Variants in RASGRP1 observed in about 807,000 individuals in gnomAD.
RASGRP1 encodes the protein RAS guanyl releasing protein 1.
Under a neutral mutation model 95.1 loss-of-function variants are expected in RASGRP1, and 37 were observed. The observed-to-expected ratio is 0.39, with a 90% CI of 0.30 to 0.51. The LOEUF is 0.51. Ranked by LOEUF, RASGRP1 falls within the 20% of genes least tolerant of loss-of-function variation. The probability of loss-of-function intolerance (pLI) is 0.80; values close to 1 mark genes in which losing one functional copy is unlikely to be tolerated. For missense variants in RASGRP1, 711 were observed against 965.4 expected (o/e 0.74, Z 3.49); for synonymous variants, 325 against 353.4 (o/e 0.92, Z 0.90).
intron 2 of RASGRP1, among the ~76,000 whole-genome samples, chr15:38,541,556 C>T (rs111281077): frequency 9.8e-5 from 15 of 152,300 alleles, no homozygotes; most frequent in South Asian, 4.1e-4. Flanking sequence ...TGTGCCACTG[C>T]ACTCCAGACT....
At chr15:38,506,611 G>C (rs1234084379) in intron 9 of RASGRP1, among the ~76,000 whole-genome samples, 1 of 142,878 alleles carries the variant, frequency 7.0e-6, no homozygotes, top group African/African-American at 2.6e-5. Flanking sequence ...CTCCAGTCTA[G>C]GTCATAGAGC....
chr15:38,527,599 C>A (rs919576956), intron 2 of RASGRP1, among the ~76,000 whole-genome samples: 1 of 152,072 alleles, frequency 6.6e-6, no homozygotes, highest in African/African-American at 2.4e-5. Context: ...CTGGGAACTT[C>A]AATTATTCAA....
At position 38,512,924 on chromosome 15, in the gene RASGRP1, G is replaced by C; in HGVS notation, c.708C>G (p.Ser236Arg). 1 of 1,581,104 alleles carries C rather than the reference G, an allele frequency of 6.3e-7. No individual in the cohort carries two copies. Among genetic ancestry groups the C allele is most frequent in the Non-Finnish European group, 8.6e-7 (1 of 1,167,480 alleles). ...CCATGGTGGGGTTTTCCTTCACACA[G>C]CTATTTACAAGGTAATTCTGATAAT... Reference protein sequence around the residue: ...FSDYQNYLVNSCVKENPTMER... With the variant: ...FSDYQNYLVNRCVKENPTMER... The change falls in exon 7 of 17, where the codon AGC (serine) becomes AGG (arginine). Residue 236 changes from serine (S) to arginine (R), a missense_variant. Physicochemically the swap from Ser to Arg is moderately radical, Grantham distance 110. This residue lies in a region of RASGRP1 where 491 missense variants were observed against 676.6 expected (regional missense o/e 0.73). Transcript: ENST00000310803.
intron 2 of RASGRP1, among the ~76,000 whole-genome samples, chr15:38,558,486 A>G (rs1252557459): frequency 1.3e-5 from 2 of 152,260 alleles, no homozygotes; most frequent in African/African-American, 4.8e-5. Context: ...TACAACAAAC[A>G]GCACTTTAAA....
intron 9 of RASGRP1, among the ~76,000 whole-genome samples, chr15:38,506,655 A>AC (rs1891270399): frequency 1.3e-5 from 2 of 151,636 alleles, no homozygotes; most frequent in African/African-American, 4.8e-5. Flanking sequence ...AAAAAAAAAA[A>AC]AAATAGTGAG....
chr15:38,511,729 C>T lies in RASGRP1; in HGVS notation c.850-9G>A. 1 of 1,602,094 alleles carries T rather than the reference C, an allele frequency of 6.2e-7. No homozygotes were observed. The highest frequency in any genetic ancestry group is 8.6e-7 in the Non-Finnish European group (1 of 1,169,268). On this transcript the variant is annotated splice_polypyrimidine_tract_variant and intron_variant, in intron 7 of 16. Transcript: ENST00000310803. ...TGTAGTTGGTGGAGCTTCTGTGACA[C>T]AGAAGACAGATGACAGCAGAGTCAC...
At chr15:38,517,628 T>C (rs1469076453) in intron 5 of RASGRP1, among the ~76,000 whole-genome samples, 5 of 152,180 alleles carry the variant, frequency 3.3e-5, no homozygotes, top group African/African-American at 9.7e-5. Context: ...GGATGTTGGA[T>C]GAAATGATCT....
intron 15 of RASGRP1, among the ~76,000 whole-genome samples, chr15:38,495,162 C>G (rs1566907873): frequency 6.6e-6 from 1 of 152,198 alleles, no homozygotes; most frequent in East Asian, 1.9e-4. Flanking sequence ...TCTCCACATT[C>G]ATGTCTCAGT....
intron 10 of RASGRP1, chr15:38,505,012 TA>T (rs1425029129): frequency 1.3e-5 from 2 of 152,242 alleles, no homozygotes; most frequent in African/African-American, 4.8e-5. Flanking sequence ...GAAATGCCTC[TA>T]ACCTGAAAAT....
At position 38,488,156 on chromosome 15, in the gene RASGRP1, C is replaced by T. The variant is rs184964882; in HGVS notation, c.*2398G>A. 1 of 151,970 alleles carries T rather than the reference C, an allele frequency of 6.6e-6. No individual in the cohort carries two copies. The highest frequency in any genetic ancestry group is 1.5e-5 in the Non-Finnish European group (1 of 67,894). 9.4% of individuals were successfully genotyped at this position (151,970 alleles called of 1,614,324 possible). A position where few individuals can be genotyped will look rare whatever the true frequency, so the allele number is the denominator to read the frequency against. On this transcript the variant is annotated 3_prime_UTR_variant, in exon 17 of 17. Transcript: ENST00000310803. Reference sequence around the variant, plus strand: ...ATAAATATTACACAAAGAAAACTTACATTAGGTATCAAAAAACTTTACAAT... The same window carrying T: ...ATAAATATTACACAAAGAAAACTTATATTAGGTATCAAAAAACTTTACAAT...
At chr15:38,514,036 C>T (rs942524632) in intron 6 of RASGRP1, among the ~76,000 whole-genome samples, 2 of 152,156 alleles carry the variant, frequency 1.3e-5, no homozygotes, top group Admixed American at 1.3e-4. Context: ...CTCTGATCAG[C>T]CTCTGCTGAC....
intron 5 of RASGRP1, among the ~76,000 whole-genome samples, chr15:38,517,323 G>A (rs1265284661): frequency 6.6e-6 from 1 of 152,132 alleles, no homozygotes; most frequent in Non-Finnish European, 1.5e-5. Flanking sequence ...GGAGAGCTGG[G>A]GTTGAGAATT....
chr15:38,493,783 G>A (rs553016205), intron 16 of RASGRP1, among the ~76,000 whole-genome samples: 69 of 152,228 alleles, frequency 4.5e-4, no homozygotes, highest in Middle Eastern at 3.4e-3. Context: ...GATTCTCTTC[G>A]TTTATATTTA....
At position 38,526,344 on chromosome 15, in the gene RASGRP1, C is replaced by T. The variant is rs773894680; in HGVS notation, c.281G>A (p.Arg94Gln). 14 of 1,613,146 alleles carry T rather than the reference C, an allele frequency of 8.7e-6. No homozygotes were observed. The highest frequency in any genetic ancestry group is 1.3e-5 in the African/African-American group (1 of 74,860). ...CAGTTCTGCAGAGGAGATGACAATT[C>T]GGTGCATGGTCAGCATGACTTGCAA... ...QLLQVMLTMHRIVISSAELLQ... is the reference protein window; with the variant it reads ...QLLQVMLTMHQIVISSAELLQ... Residue 94 changes from arginine (R) to glutamine (Q), a missense_variant, in exon 3 of 17, where the codon CGA (arginine) becomes CAA (glutamine). By Grantham distance (43) the Arg-to-Gln change is conservative. Around this residue, in one of 3 missense-constraint regions of RASGRP1, gnomAD observed 491 missense variants for 676.6 expected, o/e 0.73. Transcript: ENST00000310803.
At chr15:38,534,973 T>C (rs1892585786) in intron 2 of RASGRP1, among the ~76,000 whole-genome samples, 1 of 152,150 alleles carries the variant, frequency 6.6e-6, no homozygotes, top group Non-Finnish European at 1.5e-5. Flanking sequence ...AAACCATCCC[T>C]GAAGCAAGCG....
intron 1 of RASGRP1, chr15:38,560,220 G>A (rs1210251137): frequency 5.2e-6 from 3 of 573,796 alleles, no homozygotes; most frequent in Non-Finnish European, 6.3e-6. Context: ...TGCAACTAGT[G>A]CTCTTCATCC....
intron 2 of RASGRP1, among the ~76,000 whole-genome samples, chr15:38,544,576 C>A (rs56059718): frequency 0.16 from 24,457 of 152,224 alleles, 2,313 homozygotes; most frequent in Middle Eastern, 0.23. Flanking sequence ...CTCTGTCTTG[C>A]AAGCACTCTC....
intron 14 of RASGRP1, chr15:38,499,301 C>T (rs1057425023): frequency 2.6e-5 from 10 of 381,546 alleles, no homozygotes; most frequent in African/African-American, 1.9e-4. Context: ...AAGGTTTCCT[C>T]TCTTTCACTC....
intron 16 of RASGRP1, among the ~76,000 whole-genome samples, chr15:38,492,491 T>C (rs1241735921): frequency 6.6e-6 from 1 of 152,196 alleles, no homozygotes; most frequent in African/African-American, 2.4e-5. Flanking sequence ...TAAGGAATTC[T>C]ACTAGCTGGA....
Sources: allele counts gnomAD v4.1 joint callset (sites outside exome capture counted in the v4.1 genomes callset), GRCh38; gene constraint gnomAD v4.1.1; regional missense constraint gnomAD v4.1.1; transcripts MANE v1.5; gene names NCBI Gene and HGNC (gene_info 2026-07-23, HGNC 2026-07-21).